The following NTM variants were observed in gnomAD, a reference collection of about 807,000 sequenced individuals.
NTM encodes neurotrimin, also known as IgLON family member 2.
NTM carries 13 observed loss-of-function variants against 42.1 expected under a neutral mutation model. The observed-to-expected ratio is 0.31, with a 90% CI of 0.20 to 0.49. NTM has a LOEUF of 0.49. Among genes scored for constraint, NTM ranks in the 20% least tolerant of loss-of-function variants. The probability of loss-of-function intolerance (pLI) is 0.99; values close to 1 mark genes in which losing one functional copy is unlikely to be tolerated. For synonymous variants in NTM, 187 were observed against 179.2 expected, an observed-to-expected ratio of 1.04 and a Z score of -0.35; for missense variants, 373 against 452.8, an observed-to-expected ratio of 0.82 and a Z score of 1.60.
chr11:131,990,417 C>T (rs544684782), intron 2 of NTM, among the ~76,000 whole-genome samples: 14 of 152,110 alleles, frequency 9.2e-5, no homozygotes, highest in South Asian at 4.1e-4. Context: ...CAATATTGAA[C>T]GTTCAAGGTA....
intron 2 of NTM, among the ~76,000 whole-genome samples, chr11:132,000,484 A>G (rs1460624292): frequency 1.3e-5 from 2 of 152,202 alleles, no homozygotes; most frequent in Non-Finnish European, 2.9e-5. Flanking sequence ...ATGCAAATGA[A>G]TTACGGAGGA....
chr11:131,530,810 T>G (rs1212503075), intron 1 of NTM, among the ~76,000 whole-genome samples: 1 of 152,202 alleles, frequency 6.6e-6, no homozygotes, highest in African/African-American at 2.4e-5. Context: ...AGTTAATGAT[T>G]AGACTAGAAA....
At chr11:132,203,223 A>C (rs1427734153) in intron 3 of NTM, among the ~76,000 whole-genome samples, 1 of 152,184 alleles carries the variant, frequency 6.6e-6, no homozygotes, top group Non-Finnish European at 1.5e-5. Context: ...GTCCAAACCA[A>C]AACAGCCCCC....
At chr11:131,936,312 G>A (rs905623776) in intron 2 of NTM, among the ~76,000 whole-genome samples, 1 of 152,178 alleles carries the variant, frequency 6.6e-6, no homozygotes, top group Non-Finnish European at 1.5e-5. Flanking sequence ...AGAAGATGGA[G>A]GTATTACTGT....
At chr11:131,611,821 A>G (rs767480847) in intron 1 of NTM, among the ~76,000 whole-genome samples, 4 of 152,198 alleles carry the variant, frequency 2.6e-5, no homozygotes, top group Non-Finnish European at 4.4e-5. Flanking sequence ...ACACAGAGCT[A>G]TGGTGATTTA....
intron 4 of NTM, among the ~76,000 whole-genome samples, chr11:132,260,209 C>G (rs562058078): frequency 6.6e-6 from 1 of 151,706 alleles, no homozygotes; most frequent in Admixed American, 6.6e-5. Flanking sequence ...TTAGTTACCA[C>G]GGAAGCCCAT....
chr11:131,616,956 G>C (rs763618705), intron 1 of NTM, among the ~76,000 whole-genome samples: 1 of 152,134 alleles, frequency 6.6e-6, no homozygotes, highest in Non-Finnish European at 1.5e-5. Context: ...TCCAGGATTT[G>C]AGTTCTTACA....
At chr11:132,292,405 C>T (rs192925371) in intron 4 of NTM, among the ~76,000 whole-genome samples, 14 of 152,218 alleles carry the variant, frequency 9.2e-5, no homozygotes, top group East Asian at 3.9e-4. Flanking sequence ...CTCCCTCCTC[C>T]GGCCCCTCCC....
intron 3 of NTM, among the ~76,000 whole-genome samples, chr11:132,183,010 A>T (rs1458477356): frequency 6.6e-6 from 1 of 152,046 alleles, no homozygotes; most frequent in Non-Finnish European, 1.5e-5. Context: ...TTCCTCCCTG[A>T]TACCCTCCCT....
intron 2 of NTM, among the ~76,000 whole-genome samples, chr11:131,965,327 C>T (rs988994083): frequency 1.7e-4 from 26 of 152,040 alleles, no homozygotes; most frequent in Non-Finnish European, 3.4e-4. Flanking sequence ...AGGGACTCAA[C>T]GTCTCCTGGA....
intron 1 of NTM, among the ~76,000 whole-genome samples, chr11:131,746,433 TTACAGAGAGG>T (rs199514727): frequency 0.046 from 7,045 of 152,202 alleles, 168 homozygotes; most frequent in South Asian, 0.081. Context: ...GGCGGAAGTT[TTACAGAGAGG>T]AAAGCAGGAA....
At chr11:131,398,123 G>A (rs755249744) in intron 1 of NTM, among the ~76,000 whole-genome samples, 1 of 152,090 alleles carries the variant, frequency 6.6e-6, no homozygotes, top group East Asian at 1.9e-4. Context: ...TTCTGCTTGG[G>A]ACCAAGTTAA....
chr11:131,811,739 C>T (rs946116947), intron 1 of NTM, among the ~76,000 whole-genome samples: 6 of 152,130 alleles, frequency 3.9e-5, no homozygotes, highest in African/African-American at 1.4e-4. Context: ...GTAAAATTGC[C>T]AATGGCATTG....
intron 1 of NTM, among the ~76,000 whole-genome samples, chr11:131,885,603 A>G (rs2050263260): frequency 6.6e-6 from 1 of 152,124 alleles, no homozygotes; most frequent in African/African-American, 2.4e-5. Flanking sequence ...CACCCCATCC[A>G]ATTCCATTTT....
chr11:132,031,042 G>T (rs1048801213), intron 2 of NTM, among the ~76,000 whole-genome samples: 1 of 152,260 alleles, frequency 6.6e-6, no homozygotes, highest in Admixed American at 6.5e-5. Flanking sequence ...TGACAAGCTA[G>T]CCACTCATGC....
chr11:132,275,200 G>A (rs2093658167), intron 4 of NTM, among the ~76,000 whole-genome samples: 1 of 152,006 alleles, frequency 6.6e-6, no homozygotes, highest in Non-Finnish European at 1.5e-5. Context: ...ATCCATTTCA[G>A]TTATTTTTTA....
intron 1 of NTM, among the ~76,000 whole-genome samples, chr11:131,498,768 C>T (rs1955617682): frequency 6.6e-6 from 1 of 152,210 alleles, no homozygotes; most frequent in African/African-American, 2.4e-5. Flanking sequence ...AGGCCCAAAG[C>T]TGCCAGGAGG....
chr11:131,742,220 TAAAAGTC>T (rs1344582764), intron 1 of NTM, among the ~76,000 whole-genome samples: 3 of 152,124 alleles, frequency 2.0e-5, no homozygotes, highest in African/African-American at 7.2e-5. Context: ...CCCCTGAACT[TAAAAGTC>T]AAAAGATAAA....
At chr11:131,593,121 T>G (rs886694185) in intron 1 of NTM, among the ~76,000 whole-genome samples, 3 of 152,272 alleles carry the variant, frequency 2.0e-5, no homozygotes, top group African/African-American at 7.2e-5. Flanking sequence ...TATTATTTAT[T>G]TCTCATTCTC....
Sources: gnomAD v4.1 joint callset for allele counts (sites outside exome capture counted in the v4.1 genomes callset) on GRCh38, gnomAD v4.1.1 for gene constraint, MANE v1.5 for transcripts, NCBI Gene and HGNC (gene_info 2026-07-23, HGNC 2026-07-21) for gene names.